The following CDH23 variants were observed in gnomAD, a reference collection of about 807,000 sequenced individuals.
CDH23 encodes the protein cadherin-23.
A neutral mutation model predicts 317.1 loss-of-function variants in CDH23; 189 were observed. The observed-to-expected ratio is 0.60, with a 90% CI of 0.53 to 0.67. CDH23 has a LOEUF of 0.67. CDH23 is among the 30% of genes least tolerant of loss of function. The probability of loss-of-function intolerance (pLI) is 0.00; values close to 1 mark genes in which losing one functional copy is unlikely to be tolerated. For synonymous variants in CDH23, 1,839 were observed against 1,876.8 expected (o/e 0.98, Z 0.52); for missense variants, 4,401 against 4,592.4 (o/e 0.96, Z 1.20).
At chr10:71,403,337 TTC>T (rs1224088940) in intron 1 of CDH23, among the ~76,000 whole-genome samples, 6 of 37,786 alleles carry the variant, frequency 1.6e-4, no homozygotes, top group East Asian at 1.3e-3. Context: ...CTTTCTTTCT[TTC>T]TTTCTTTCTT....
intron 1 of CDH23, among the ~76,000 whole-genome samples, chr10:71,403,321 TCC>T: frequency 1.1e-5 from 1 of 91,520 alleles, no homozygotes; most frequent in Non-Finnish European, 1.9e-5. Flanking sequence ...CTTTCTTCCT[TCC>T]TTCCTTTCTT....
intron 2 of CDH23, among the ~76,000 whole-genome samples, chr10:71,443,938 G>A (rs1431503031): frequency 6.6e-6 from 1 of 152,260 alleles, no homozygotes; most frequent in African/African-American, 2.4e-5. Context: ...TCTGTGCAGA[G>A]CTCCCAGTGA....
chr10:71,754,377 C>T (rs752434704), intron 38 of CDH23, among the ~76,000 whole-genome samples: 4 of 152,258 alleles, frequency 2.6e-5, no homozygotes, highest in Non-Finnish European at 4.4e-5. Context: ...TGTTAAGGGC[C>T]GGCCACAGGA....
intron 45 of CDH23, 105 bp from the exon 46 acceptor site, chr10:71,790,178 TCCCTC>T (rs1841207295): frequency 1.4e-6 from 2 of 1,445,400 alleles, no homozygotes; most frequent in Middle Eastern, 2.3e-4. Flanking sequence ...CCACCTCACC[TCCCTC>T]CCCTCTCATC....
Position 71,704,946 on chromosome 10 carries a change from C to G in CDH23, c.2769C>G (p.Gly923=). 4 of 1,612,958 alleles carry G rather than the reference C, an allele frequency of 2.5e-6. No individual in the cohort carries two copies. The highest frequency in any genetic ancestry group is 3.4e-6 in the Non-Finnish European group (4 of 1,179,862). ...TCGACCTCGATGAGGGCCTGAACGG[C>G]CTGGTGTCCTACCGCATGCCGGTGG... ...VAIDLDEGLN[G]LVSYRMPVGM... is the part of the protein sequence containing the mutation. The change falls in exon 25 of 70, where the codon GGC becomes GGG. Residue 923 remains glycine, a synonymous_variant. Coordinates refer to ENST00000224721, the MANE Select transcript of CDH23 (RefSeq NM_022124.6).
At chr10:71,503,519 G>A (rs184777991) in intron 3 of CDH23, among the ~76,000 whole-genome samples, 1 of 152,172 alleles carries the variant, frequency 6.6e-6, no homozygotes, top group African/African-American at 2.4e-5. Flanking sequence ...TTTACCCAAT[G>A]ACTATTTATT....
chr10:71,429,872 G>A lies in CDH23; in HGVS notation c.-5-9955G>A, dbSNP rs867883002. ...AGGATCTGTGGGTCTTCTGGCAGCA[G>A]GAGGACAAGGGCATGGCCAGCTGTC... On this transcript the variant is annotated intron_variant, in intron 1 of 69. Coordinates refer to ENST00000224721, the MANE Select transcript of CDH23 (RefSeq NM_022124.6). 1.1e-4 allele frequency among the ~76,000 whole-genome samples: 16 copies of A among 152,350 alleles called. 1 individual carries two copies. Among genetic ancestry groups the A allele is most frequent in the Admixed American group, 2.0e-4 (3 of 15,300 alleles).
At chr10:71,431,418 C>T (rs1296877437) in intron 1 of CDH23, among the ~76,000 whole-genome samples, 1 of 152,194 alleles carries the variant, frequency 6.6e-6, no homozygotes, top group Non-Finnish European at 1.5e-5. Flanking sequence ...TCACAGCAGC[C>T]TCCCCGGCAG....
chr10:71,532,924 G>A (rs1051019481), intron 6 of CDH23, among the ~76,000 whole-genome samples: 1 of 151,964 alleles, frequency 6.6e-6, no homozygotes, highest in Middle Eastern at 3.2e-3. Context: ...TAGAGACGGG[G>A]TTTCACCATG....
At chr10:71,570,398 AG>A (rs1259136625) in intron 7 of CDH23, among the ~76,000 whole-genome samples, 2 of 152,182 alleles carry the variant, frequency 1.3e-5, no homozygotes, top group Non-Finnish European at 1.5e-5. Flanking sequence ...AACTCAGCAA[AG>A]GAGCTGAGGG....
intron 14 of CDH23, among the ~76,000 whole-genome samples, chr10:71,657,751 A>G (rs1046144071): frequency 9.4e-6 from 1 of 106,844 alleles, no homozygotes; most frequent in East Asian, 2.8e-4. Context: ...CACCCCCACC[A>G]TTGGCATCTT....
intron 1 of CDH23, among the ~76,000 whole-genome samples, chr10:71,425,266 AG>A (rs1849013832): frequency 7.6e-6 from 1 of 131,978 alleles, no homozygotes; most frequent in Non-Finnish European, 1.6e-5. Context: ...AGAGAGAGAG[AG>A]AGGAAGGAAG....
At chr10:71,532,727 GTTTTTTTTTT>G (rs200038577) in intron 6 of CDH23, among the ~76,000 whole-genome samples, 9 of 93,942 alleles carry the variant, frequency 9.6e-5, no homozygotes, top group African/African-American at 1.8e-4. Context: ...TTTTTTTTTT[GTTTTTTTTTT>G]TTTTTTTTTT....
rs566423896 is a variant in CDH23 at position 71,609,289 on chromosome 10, TCTCTCC to T, written c.833-6193_833-6188del. On this transcript the variant is annotated intron_variant, in intron 9 of 69. Coordinates refer to ENST00000224721, the MANE Select transcript of CDH23 (RefSeq NM_022124.6). ...GCTGCAGCCCCTCCCAGTCCACTTC[TCTCTCC>T]CTCTCCCTCTCCCTCTCCCTCCGAC... 2.9e-3 allele frequency among the ~76,000 whole-genome samples: 427 copies of T among 146,578 alleles called. 4 individuals carry two copies. Among genetic ancestry groups the T allele is most frequent in the African/African-American group, 6.3e-3 (248 of 39,352 alleles).
At chr10:71,474,259 G>T (rs1178394067) in intron 3 of CDH23, among the ~76,000 whole-genome samples, 1 of 152,184 alleles carries the variant, frequency 6.6e-6, no homozygotes, top group South Asian at 2.1e-4. Flanking sequence ...CTAAGGAAGG[G>T]GTCAGAGTAT....
chr10:71,621,543 A>G (rs1861466338), intron 11 of CDH23, among the ~76,000 whole-genome samples: 1 of 152,226 alleles, frequency 6.6e-6, no homozygotes, highest in African/African-American at 2.4e-5. Context: ...TAAATGCCCA[A>G]GTATCAGCGA....
intron 6 of CDH23, among the ~76,000 whole-genome samples, chr10:71,553,515 C>T (rs1856713302): frequency 1.3e-5 from 2 of 152,216 alleles, no homozygotes; most frequent in African/African-American, 2.4e-5. Context: ...CTGCCCAGGC[C>T]TCTGCTGCCC....
At chr10:71,792,176 G>A (rs879712444) in intron 47 of CDH23, among the ~76,000 whole-genome samples, 30 of 152,116 alleles carry the variant, frequency 2.0e-4, no homozygotes, top group African/African-American at 5.8e-4. Context: ...AAGCAATGAG[G>A]CCAATGGGGA....
chr10:71,608,108 G>T (rs1227870423), intron 9 of CDH23, among the ~76,000 whole-genome samples: 1 of 152,210 alleles, frequency 6.6e-6, no homozygotes, highest in African/African-American at 2.4e-5. Context: ...TTTGCAGGAG[G>T]TCTCACAACT....
Sources: gnomAD v4.1 joint callset for allele counts (sites outside exome capture counted in the v4.1 genomes callset) on GRCh38, gnomAD v4.1.1 for gene constraint, MANE v1.5 for transcripts, NCBI Gene and HGNC (gene_info 2026-07-23, HGNC 2026-07-21) for gene names.